The following PIAS2 variants were observed in gnomAD, a reference collection of about 807,000 sequenced individuals.
The protein encoded by PIAS2 is E3 SUMO-protein ligase PIAS2.
Under a neutral mutation model 69.7 loss-of-function variants are expected in PIAS2, and 19 were observed. That is an observed-to-expected ratio of 0.27 (90% CI 0.19 to 0.40). The LOEUF (loss-of-function observed/expected upper bound fraction) is 0.40. Ranked by LOEUF, PIAS2 falls within the 10% of genes least tolerant of loss-of-function variation. PIAS2 has a pLI of 1.00. For missense variants in PIAS2, 624 were observed against 757.0 expected, an observed-to-expected ratio of 0.82 and a Z score of 2.06; for synonymous variants, 261 against 263.2, an observed-to-expected ratio of 0.99 and a Z score of 0.08.
rs1470947433 is a variant in PIAS2, at chr18:46,807,268, G to T, written c.*5165C>A. The T allele has an allele frequency of 7.0e-6, 1 of 143,266 alleles. No homozygotes were observed. The highest frequency in any genetic ancestry group is 2.6e-5 in the African/African-American group (1 of 38,162). The allele number at this position is 143,266 out of a possible 1,614,324, so 8.9% of individuals were successfully genotyped here. ...AAGATGGAAAACGTAGTCTGACAAA[G>T]AATATTTGTGCAACTTTACAGTGCC... On this transcript the variant is annotated 3_prime_UTR_variant, in exon 14 of 14. Transcript: ENST00000585916.
intron 3 of PIAS2, among the ~76,000 whole-genome samples, chr18:46,858,831 G>T (rs2048227607): frequency 6.6e-6 from 1 of 152,182 alleles, no homozygotes; most frequent in Admixed American, 6.5e-5. Context: ...GGGAAGGGGA[G>T]TTTCTAGGAG....
chr18:46,895,624 T>TCA (rs1017954303), intron 1 of PIAS2, among the ~76,000 whole-genome samples: 44 of 152,058 alleles, frequency 2.9e-4, no homozygotes, highest in African/African-American at 1.0e-3. Flanking sequence ...TGAGCGGAGA[T>TCA]CACACTACTG....
chr18:46,818,314 A>AT, intron 12 of PIAS2: 1 of 1,432,034 alleles, frequency 7.0e-7, no homozygotes, highest in South Asian at 1.7e-5. Flanking sequence ...AGGCAGTCAT[A>AT]TTTTTCCTTG....
intron 5 of PIAS2, among the ~76,000 whole-genome samples, chr18:46,847,137 G>A (rs1252383807): frequency 6.6e-6 from 1 of 152,038 alleles, no homozygotes; most frequent in Admixed American, 6.5e-5. Flanking sequence ...TTTTTCATAG[G>A]ACACCAAGCT....
chr18:46,899,170 A>G (rs982738808), intron 1 of PIAS2, among the ~76,000 whole-genome samples: 34 of 152,190 alleles, frequency 2.2e-4, no homozygotes, highest in African/African-American at 8.2e-4. Context: ...TAAAGAATTA[A>G]ATAAAACATA....
intron 2 of PIAS2, among the ~76,000 whole-genome samples, chr18:46,879,176 G>C (rs543657322): frequency 6.6e-6 from 1 of 152,168 alleles, no homozygotes; most frequent in African/African-American, 2.4e-5. Context: ...TAAAATAAAA[G>C]GGAGTAGGGT....
intron 13 of PIAS2, among the ~76,000 whole-genome samples, chr18:46,813,677 G>T (rs1432158991): frequency 2.0e-5 from 3 of 152,138 alleles, no homozygotes; most frequent in African/African-American, 4.8e-5. Flanking sequence ...GATTTCCAAG[G>T]CCGGTGAATA....
At chr18:46,915,780 GT>G (rs2057773847) in intron 1 of PIAS2, among the ~76,000 whole-genome samples, 1 of 145,200 alleles carries the variant, frequency 6.9e-6, no homozygotes, top group Non-Finnish European at 1.5e-5. Context: ...ATCCTGGAAA[GT>G]TTTCATTAAC....
intron 12 of PIAS2, chr18:46,817,728 A>C (rs646128): frequency 0.43 from 401,958 of 925,214 alleles, 88,504 homozygotes; most frequent in Middle Eastern, 0.48. Context: ...GTTTAATGTA[A>C]ATATTTCTCT....
intron 1 of PIAS2, chr18:46,891,269 A>G: frequency 3.0e-6 from 2 of 661,630 alleles, no homozygotes; most frequent in Non-Finnish European, 5.4e-6. Flanking sequence ...TTTGTTGTAC[A>G]AGATCTTAAT....
chr18:46,877,667 G>A (rs1952725633), intron 2 of PIAS2, among the ~76,000 whole-genome samples: 1 of 152,090 alleles, frequency 6.6e-6, no homozygotes, highest in South Asian at 2.1e-4. Context: ...AGATTGTGCA[G>A]TCTGACTCCA....
At chr18:46,850,470 T>C (rs965217330) in intron 5 of PIAS2, among the ~76,000 whole-genome samples, 3 of 152,192 alleles carry the variant, frequency 2.0e-5, no homozygotes, top group Admixed American at 6.5e-5. Flanking sequence ...ATTAGGTATA[T>C]TGCTTCCTCG....
chr18:46,815,425 C>T, intron 12 of PIAS2, 76 bp from the exon 13 acceptor site: 1 of 1,601,300 alleles, frequency 6.2e-7, no homozygotes, highest in Non-Finnish European at 8.5e-7. Context: ...TCATCTTTAT[C>T]ACAAATCACA....
chr18:46,835,257 T>C (rs1399689915), intron 9 of PIAS2, among the ~76,000 whole-genome samples: 2 of 152,196 alleles, frequency 1.3e-5, no homozygotes, highest in Non-Finnish European at 2.9e-5. Context: ...ACAACTGTGA[T>C]AGAATGTTAA....
chr18:46,858,118 G>A (rs754661342), intron 3 of PIAS2, among the ~76,000 whole-genome samples: 14 of 151,852 alleles, frequency 9.2e-5, no homozygotes, highest in African/African-American at 3.4e-4. Context: ...GAAAAAAGGC[G>A]GCAAAGGTGC....
intron 2 of PIAS2, among the ~76,000 whole-genome samples, chr18:46,886,990 T>C (rs184028719): frequency 1.2e-4 from 19 of 152,282 alleles, no homozygotes; most frequent in African/African-American, 4.3e-4. Context: ...CAAAAAGTAA[T>C]GAGATATGAC....
At chr18:46,909,723 C>T (rs1308704962) in intron 1 of PIAS2, among the ~76,000 whole-genome samples, 1 of 152,164 alleles carries the variant, frequency 6.6e-6, no homozygotes, top group Admixed American at 6.6e-5. Context: ...CAATTCTATT[C>T]CTAGAATCTC....
intron 2 of PIAS2, among the ~76,000 whole-genome samples, chr18:46,872,419 G>A (rs1236075487): frequency 1.3e-5 from 2 of 152,192 alleles, no homozygotes; most frequent in African/African-American, 4.8e-5. Context: ...CTTGCCCCAA[G>A]AGTTTAGAGA....
Position 46,810,007 on chromosome 18 carries a change from C to T in PIAS2, c.*2426G>A, listed in dbSNP as rs1447072797. ...TAATAATCATGATGTTGCCATAAGGCCAAAGTCATAAAGTACTAATGCTCA... is the reference window on the plus strand; with the variant it reads ...TAATAATCATGATGTTGCCATAAGGTCAAAGTCATAAAGTACTAATGCTCA... On this transcript the variant is annotated 3_prime_UTR_variant, in exon 14 of 14. Coordinates refer to ENST00000585916, the MANE Select transcript of PIAS2 (RefSeq NM_004671.5). The T allele has an allele frequency of 6.6e-6, 1 of 151,990 alleles. No homozygotes were observed. Among genetic ancestry groups the T allele is most frequent in the Non-Finnish European group, 1.5e-5 (1 of 68,004 alleles). The allele number at this position is 151,990 out of a possible 1,614,324, so 9.4% of individuals were successfully genotyped here.
Sources: gnomAD v4.1 joint callset for allele counts (sites outside exome capture counted in the v4.1 genomes callset) on GRCh38, gnomAD v4.1.1 for gene constraint, MANE v1.5 for transcripts, NCBI Gene and HGNC (gene_info 2026-07-23, HGNC 2026-07-21) for gene names.